The following LCA5L variants were observed in gnomAD, a reference collection of about 807,000 sequenced individuals.
LCA5L encodes lebercilin-like protein.
Under a neutral mutation model 45.4 loss-of-function variants are expected in LCA5L, and 35 were observed. That is an observed-to-expected ratio of 0.77 (90% confidence interval 0.59 to 1.02). The LOEUF (loss-of-function observed/expected upper bound fraction) is 1.02. Ranked by LOEUF, LCA5L falls within the 50% of genes least tolerant of loss-of-function variation. The pLI is 0.00. For synonymous variants in LCA5L, 233 were observed against 264.7 expected (o/e 0.88, Z 1.16); for missense variants, 668 against 761.6 (o/e 0.88, Z 1.45).
At chr21:39,442,400 A>G (rs58900137) in intron 2 of LCA5L, among the ~76,000 whole-genome samples, 37,483 of 151,974 alleles carry the variant, frequency 0.25, 5,479 homozygotes, top group African/African-American at 0.41. Flanking sequence ...TGGGAAGCTA[A>G]CTGTAGGCAA....
At position 39,409,901 on chromosome 21, in the gene LCA5L, G is replaced by A; in HGVS notation, c.1282+78C>T. On this transcript the variant is annotated intron_variant, in intron 10 of 10. Coordinates refer to ENST00000288350, the MANE Select transcript of LCA5L (RefSeq NM_152505.4). The surrounding 1 kb of genome is among the most constrained non-coding windows in gnomAD (Gnocchi z 4.2). ...GAGCTGCCATGCCCAGCTGTTTTAT[G>A]TGTGCTTTATATACACATATAGTAA... is the stretch of plus-strand genomic sequence containing the variant. The A allele has an allele frequency of 1.2e-6, 1 of 830,550 alleles. No homozygotes were observed. The highest frequency in any genetic ancestry group is 1.9e-6 in the Non-Finnish European group (1 of 524,122). The allele number at this position is 830,550 out of a possible 1,614,324, so 51.4% of individuals were successfully genotyped here. A position where few individuals can be genotyped will look rare whatever the true frequency, so the allele number is the denominator to read the frequency against.
rs1182886240 is a variant in LCA5L, at chr21:39,406,111, T to C, written c.1784A>G (p.Lys595Arg). 1 of 1,614,254 alleles carries C rather than the reference T, an allele frequency of 6.2e-7. No individual in the cohort carries two copies. Among genetic ancestry groups the C allele is most frequent in the Admixed American group, 1.7e-5 (1 of 60,032 alleles). ...AAAGAGTTCTTCCATGAGACTGCTT[T>C]TCTTATCTCTGAAAGTTGTATCCTT... is the stretch of plus-strand genomic sequence containing the variant. ...KVKDTTFRDK[K>R]SSLMEELFGS... Residue 595 changes from lysine (K) to arginine (R), a missense_variant, in exon 11 of 11, where the codon AAA becomes AGA. Lys to Arg is a conservative substitution (Grantham distance 26). Transcript: ENST00000288350.
intron 7 of LCA5L, among the ~76,000 whole-genome samples, chr21:39,415,350 A>G (rs1333448391): frequency 6.6e-6 from 1 of 152,142 alleles, no homozygotes; most frequent in Non-Finnish European, 1.5e-5. Flanking sequence ...TTCCCTTTGA[A>G]ACTTTATTAT....
At chr21:39,419,523 C>CAAAAAAAAAAAAAAAAAA (rs5843964) in intron 7 of LCA5L, among the ~76,000 whole-genome samples, 1 of 123,544 alleles carries the variant, frequency 8.1e-6, no homozygotes, top group Non-Finnish European at 1.6e-5. Flanking sequence ...AGACCCTGTT[C>CAAAAAAAAAAAAAAAAAA]AAAAAAAAAA....
At chr21:39,428,920 A>G (rs1424893485) in intron 4 of LCA5L, among the ~76,000 whole-genome samples, 1 of 151,948 alleles carries the variant, frequency 6.6e-6, no homozygotes, top group Non-Finnish European at 1.5e-5. Context: ...AGCCATGGAC[A>G]TAAACTTTGA....
At chr21:39,430,447 G>C (rs1286588115) in intron 3 of LCA5L, among the ~76,000 whole-genome samples, 1 of 152,192 alleles carries the variant, frequency 6.6e-6, no homozygotes, top group African/African-American at 2.4e-5. Context: ...GTGGGAGGGA[G>C]TGGGATGGAG....
intron 2 of LCA5L, among the ~76,000 whole-genome samples, chr21:39,440,830 TTAAACTC>T (rs1248648208): frequency 2.6e-5 from 4 of 152,208 alleles, no homozygotes; most frequent in African/African-American, 9.7e-5. Context: ...AATGAAAGGC[TTAAACTC>T]TAAACTCTTT....
At chr21:39,416,037 T>G (rs989108238) in intron 7 of LCA5L, among the ~76,000 whole-genome samples, 1 of 152,236 alleles carries the variant, frequency 6.6e-6, no homozygotes, top group Non-Finnish European at 1.5e-5. Flanking sequence ...CACTAATTCA[T>G]TAGGAGTTTC....
chr21:39,423,423 A>G lies in LCA5L; in HGVS notation c.390T>C (p.His130=). The G allele has an allele frequency of 6.2e-7, 1 of 1,600,732 alleles. No individual in the cohort carries two copies. Among genetic ancestry groups the G allele is most frequent in the Non-Finnish European group, 8.5e-7 (1 of 1,176,614 alleles). ...WNASLFNSQI[H]MIAQRRDAMA... is the part of the protein sequence containing the mutation. ...TAGCATCTCTTCTTTGGGCAATCAT[A>G]TGGATTTGAGAATTAAAGAGTGATG... Residue 130 remains histidine (H), a synonymous_variant, in exon 6 of 11, where the codon CAT becomes CAC. Coordinates refer to ENST00000288350, the MANE Select transcript of LCA5L (RefSeq NM_152505.4).
Position 39,423,136 on chromosome 21 carries a change from CTAGA to C in LCA5L, c.673_676del (p.Ser225GlyfsTer11), listed in dbSNP as rs1191079238. 41 of 1,613,698 alleles carry C rather than the reference CTAGA, an allele frequency of 2.5e-5. No individual in the cohort carries two copies. Among genetic ancestry groups the C allele is most frequent in the Non-Finnish European group, 3.4e-5 (40 of 1,179,956 alleles). On this transcript the variant is annotated frameshift_variant, in exon 6 of 11. Transcript: ENST00000288350. LOFTEE classifies it high-confidence loss of function. ...CTGGCTGTCAGTTTCTCTAAGTTTC[CTAGA>C]TAGAGTTCTTTCCTTTTCCTGGGAT...
chr21:39,437,067 G>A (rs1673842206), intron 2 of LCA5L, among the ~76,000 whole-genome samples: 2 of 152,106 alleles, frequency 1.3e-5, no homozygotes, highest in Non-Finnish European at 2.9e-5. Flanking sequence ...AATATTAAGT[G>A]TCCAATAAAT....
chr21:39,412,970 C>T (rs1379633495), intron 7 of LCA5L, among the ~76,000 whole-genome samples: 1 of 152,256 alleles, frequency 6.6e-6, no homozygotes, highest in South Asian at 2.1e-4. Flanking sequence ...TCCAGGTGCT[C>T]CCATAGCACA....
At chr21:39,430,884 C>T (rs1438858967) in intron 3 of LCA5L, among the ~76,000 whole-genome samples, 7 of 152,174 alleles carry the variant, frequency 4.6e-5, no homozygotes, top group Admixed American at 4.6e-4. Context: ...TGTCCCTCTC[C>T]TGACTTTGTC....
At chr21:39,441,918 C>T (rs190023514) in intron 2 of LCA5L, among the ~76,000 whole-genome samples, 19 of 152,336 alleles carry the variant, frequency 1.2e-4, no homozygotes, top group Admixed American at 3.9e-4. Flanking sequence ...ATTCTTTCAG[C>T]ACCCATTTGA....
chr21:39,440,623 G>A (rs77199433), intron 2 of LCA5L, among the ~76,000 whole-genome samples: 27,778 of 152,230 alleles, frequency 0.18, 2,664 homozygotes, highest in Middle Eastern at 0.27. Flanking sequence ...ACAGGTGGCT[G>A]TGGAGAAAAC....
At chr21:39,429,678 G>A (rs1036996877) in intron 3 of LCA5L, among the ~76,000 whole-genome samples, 1 of 152,082 alleles carries the variant, frequency 6.6e-6, no homozygotes, top group Non-Finnish European at 1.5e-5. Flanking sequence ...GCTGTGTAGC[G>A]GTGGGCAGAA....
At chr21:39,414,732 C>CTG (rs1464601997) in intron 7 of LCA5L, among the ~76,000 whole-genome samples, 7 of 110,394 alleles carry the variant, frequency 6.3e-5, no homozygotes, top group African/African-American at 2.0e-4. Flanking sequence ...CTCTCTCTCT[C>CTG]TCTCTCTCTC....
chr21:39,414,498 C>T (rs979659702), intron 7 of LCA5L, among the ~76,000 whole-genome samples: 28 of 152,150 alleles, frequency 1.8e-4, no homozygotes, highest in Middle Eastern at 3.2e-3. Flanking sequence ...CTATGACTTT[C>T]GTTAATGTGG....
At chr21:39,431,876 T>A (rs1023113325) in intron 3 of LCA5L, among the ~76,000 whole-genome samples, 8 of 152,122 alleles carry the variant, frequency 5.3e-5, no homozygotes, top group South Asian at 2.1e-4. Flanking sequence ...CTAAAACACA[T>A]AGTATAAGGC....
Sources: gnomAD v4.1 joint callset for allele counts (sites outside exome capture counted in the v4.1 genomes callset) on GRCh38, gnomAD v4.1.1 for gene constraint, Gnocchi (gnomAD v3.1) non-coding constraint, MANE v1.5 for transcripts, NCBI Gene and HGNC (gene_info 2026-07-23, HGNC 2026-07-21) for gene names.